The following GRID2 variants were observed in gnomAD, a reference collection of about 807,000 sequenced individuals.
GRID2 encodes the protein glutamate receptor ionotropic, delta-2.
In GRID2, 33 loss-of-function variants were observed where a neutral mutation model predicts 114.8. The ratio of observed to expected loss-of-function variants is 0.29; its 90% confidence interval spans 0.22 to 0.38. The LOEUF is 0.38. Ranked by LOEUF, GRID2 falls within the 10% of genes least tolerant of loss-of-function variation. The pLI is 1.00. For missense variants in GRID2, 1,184 were observed against 1,257.7 expected (o/e 0.94, Z 0.89); for synonymous variants, 505 against 449.9 (o/e 1.12, Z -1.55).
intron 4 of GRID2, among the ~76,000 whole-genome samples, chr4:93,146,381 A>G (rs566047227): frequency 3.9e-5 from 6 of 152,188 alleles, no homozygotes; most frequent in Non-Finnish European, 7.3e-5. Flanking sequence ...TGAGTCAATG[A>G]TGAAAGCGCA....
intron 8 of GRID2, among the ~76,000 whole-genome samples, chr4:93,330,601 C>G (rs114668922): frequency 6.6e-6 from 1 of 151,822 alleles, no homozygotes; most frequent in African/African-American, 2.4e-5. Context: ...AAATAAAAAC[C>G]AAGAGTCCTA....
chr4:92,489,818 C>A (rs576507352), intron 1 of GRID2, among the ~76,000 whole-genome samples: 13 of 150,486 alleles, frequency 8.6e-5, no homozygotes, highest in South Asian at 6.3e-4. Flanking sequence ...TGCCCTCCAG[C>A]CTGGGCGATA....
chr4:93,468,508 G>T (rs942456483), intron 11 of GRID2, among the ~76,000 whole-genome samples: 1 of 152,156 alleles, frequency 6.6e-6, no homozygotes, highest in Non-Finnish European at 1.5e-5. Flanking sequence ...TTGAGAATTT[G>T]ATGTTGAACA....
chr4:93,708,682 A>G (rs182527007), intron 14 of GRID2, among the ~76,000 whole-genome samples: 1 of 151,990 alleles, frequency 6.6e-6, no homozygotes, highest in African/African-American at 2.4e-5. Flanking sequence ...ATTATTGACA[A>G]GTAAGGACTT....
At chr4:93,452,685 C>G (rs546841170) in intron 10 of GRID2, among the ~76,000 whole-genome samples, 1 of 152,150 alleles carries the variant, frequency 6.6e-6, no homozygotes, top group Non-Finnish European at 1.5e-5. Context: ...GATTTTTAAT[C>G]TCCCATCTTC....
At chr4:93,265,061 A>G (rs6532395) in intron 8 of GRID2, among the ~76,000 whole-genome samples, 108,440 of 151,630 alleles carry the variant, frequency 0.72, 39,696 homozygotes, top group African/African-American at 0.86. Flanking sequence ...GATTACAGGC[A>G]TGAGCCACCG....
intron 4 of GRID2, among the ~76,000 whole-genome samples, chr4:93,179,395 T>G (rs1485096251): frequency 6.6e-6 from 1 of 152,170 alleles, no homozygotes; most frequent in Non-Finnish European, 1.5e-5. Flanking sequence ...AATGTACAAG[T>G]GTCATTTTCC....
At chr4:93,690,242 T>C (rs2110112637) in intron 14 of GRID2, among the ~76,000 whole-genome samples, 1 of 152,138 alleles carries the variant, frequency 6.6e-6, no homozygotes, top group African/African-American at 2.4e-5. Flanking sequence ...ATATAAAATA[T>C]GCTTTCTTCA....
intron 10 of GRID2, among the ~76,000 whole-genome samples, chr4:93,437,482 C>T (rs138797593): frequency 7.2e-5 from 11 of 151,748 alleles, no homozygotes; most frequent in African/African-American, 2.7e-4. Context: ...TTTTTTAAAC[C>T]TGCATATTTG....
chr4:93,690,838 T>C (rs6840457), intron 14 of GRID2, among the ~76,000 whole-genome samples: 69,605 of 149,718 alleles, frequency 0.46, 16,568 homozygotes, highest in East Asian at 0.73. Context: ...TTATTTTATA[T>C]ATAATATGTT....
At chr4:93,475,743 G>A (rs1353793121) in intron 11 of GRID2, among the ~76,000 whole-genome samples, 2 of 152,090 alleles carry the variant, frequency 1.3e-5, no homozygotes, top group Non-Finnish European at 2.9e-5. Context: ...ATGCTTCTGG[G>A]ACTGGCAAAA....
intron 1 of GRID2, among the ~76,000 whole-genome samples, chr4:92,333,011 T>G (rs2110147429): frequency 6.6e-6 from 1 of 152,270 alleles, no homozygotes; most frequent in South Asian, 2.1e-4. Flanking sequence ...TGTATAGTTC[T>G]GGGGTCTTGA....
intron 2 of GRID2, among the ~76,000 whole-genome samples, chr4:92,597,346 C>G (rs534333810): frequency 3.3e-4 from 50 of 152,172 alleles, no homozygotes; most frequent in African/African-American, 1.1e-3. Flanking sequence ...TCCCTTACCT[C>G]ATTTGATATC....
At chr4:92,533,038 C>T (rs1168724801) in intron 1 of GRID2, among the ~76,000 whole-genome samples, 1 of 152,090 alleles carries the variant, frequency 6.6e-6, no homozygotes, top group Non-Finnish European at 1.5e-5. Context: ...TGTACCACTG[C>T]ACTCCAGCCT....
chr4:92,688,609 C>A (rs994273943), intron 2 of GRID2, among the ~76,000 whole-genome samples: 3 of 152,158 alleles, frequency 2.0e-5, no homozygotes, highest in African/African-American at 2.4e-5. Flanking sequence ...TCTGCACCAA[C>A]CTACTCAGTC....
At chr4:92,554,548 G>A (rs143170475) in intron 1 of GRID2, among the ~76,000 whole-genome samples, 214 of 152,116 alleles carry the variant, frequency 1.4e-3, no homozygotes, top group Non-Finnish European at 2.7e-3. Flanking sequence ...CAACTTAATC[G>A]AGTAATTTGC....
chr4:92,505,824 C>T (rs766380211), intron 1 of GRID2, among the ~76,000 whole-genome samples: 1 of 151,890 alleles, frequency 6.6e-6, no homozygotes, highest in Non-Finnish European at 1.5e-5. Context: ...TATTGATATA[C>T]ACTTCTAAAT....
At chr4:92,852,367 A>T (rs1471536920) in intron 2 of GRID2, among the ~76,000 whole-genome samples, 2 of 151,880 alleles carry the variant, frequency 1.3e-5, no homozygotes, top group Non-Finnish European at 2.9e-5. Context: ...CTGAATCATT[A>T]ATAAACTTTC....
intron 2 of GRID2, among the ~76,000 whole-genome samples, chr4:92,865,534 G>T (rs1744796950): frequency 6.6e-6 from 1 of 152,102 alleles, no homozygotes; most frequent in East Asian, 1.9e-4. Flanking sequence ...AAATATATGT[G>T]TAAAATTTTG....
Sources: allele counts gnomAD v4.1 joint callset (sites outside exome capture counted in the v4.1 genomes callset), GRCh38; gene constraint gnomAD v4.1.1; transcripts MANE v1.5; gene names NCBI Gene and HGNC (gene_info 2026-07-23, HGNC 2026-07-21).